Variants in CYP2S1 observed in about 807,000 individuals in gnomAD.
The protein encoded by CYP2S1 is cytochrome P450 family 2 subfamily S member 1.
A neutral mutation model predicts 43.5 loss-of-function variants in CYP2S1; 32 were observed. The ratio of observed to expected loss-of-function variants is 0.74; its 90% CI spans 0.56 to 0.99. The LOEUF (loss-of-function observed/expected upper bound fraction) is 0.99, where lower values mean the gene tolerates loss of function less well. Among genes scored for constraint, CYP2S1 ranks in the 50% least tolerant of loss-of-function variants. The pLI, the probability that CYP2S1 is intolerant of heterozygous loss-of-function variation, is 0.00. For missense variants in CYP2S1, 575 were observed against 673.9 expected (o/e 0.85, Z 1.62); for synonymous variants, 283 against 302.9 (o/e 0.93, Z 0.68).
chr19:41,206,827 C>T lies in CYP2S1; in HGVS notation c.*339C>T, dbSNP rs2033587990. On this transcript the variant is annotated 3_prime_UTR_variant, in exon 9 of 9. Transcript: ENST00000310054. ...AGCCCACACGTGGGAGTCTGGCTGT[C>T]ACCTTCACAAGCCACAGAAACGGCC... 1 of 511,380 alleles carries T rather than the reference C, an allele frequency of 2.0e-6. No homozygotes were observed. Among genetic ancestry groups the T allele is most frequent in the Non-Finnish European group, 3.8e-6 (1 of 263,212 alleles). 31.7% of individuals were successfully genotyped at this position (511,380 alleles called of 1,614,324 possible).
At chr19:41,205,418 TTCTCTCTC>T (rs11311956) in intron 7 of CYP2S1, among the ~76,000 whole-genome samples, 5 of 87,890 alleles carry the variant, frequency 5.7e-5, no homozygotes, top group South Asian at 3.0e-4. Flanking sequence ...CTTTCTTTCT[TTCTCTCTC>T]TCTCTCTTTC....
intron 6 of CYP2S1, among the ~76,000 whole-genome samples, chr19:41,202,659 G>A (rs1470179388): frequency 6.6e-6 from 1 of 151,774 alleles, no homozygotes; most frequent in African/African-American, 2.4e-5. Flanking sequence ...GTGTGGTGGT[G>A]CGTGCCTGTG....
chr19:41,206,357 TC>T lies in CYP2S1; in HGVS notation c.1387del (p.Leu463TrpfsTer10). 1.2e-6 allele frequency: 2 copies of T among 1,614,054 alleles called. No homozygotes were observed. Among genetic ancestry groups the T allele is most frequent in the Non-Finnish European group, 8.5e-7 (1 of 1,180,038 alleles). On this transcript the variant is annotated frameshift_variant, in exon 9 of 9. Transcript: ENST00000310054. LOFTEE classifies it low-confidence loss of function (END_TRUNC). ...LFFTTILQAF[S>X]LESPCPPDTL... Reference sequence around the variant, plus strand: ...CTTCACCACCATCCTACAAGCCTTCTCCCTGGAGAGCCCGTGCCCGCCGGAC... The same window carrying T: ...CTTCACCACCATCCTACAAGCCTTCTCCTGGAGAGCCCGTGCCCGCCGGAC...
Position 41,198,044 on chromosome 19 carries a change from A to C in CYP2S1, c.493+116A>C. 1 of 1,404,298 alleles carries C rather than the reference A, an allele frequency of 7.1e-7. No individual in the cohort carries two copies. Among genetic ancestry groups the C allele is most frequent in the Non-Finnish European group, 9.4e-7 (1 of 1,062,074 alleles). The allele number at this position is 1,404,298 out of a possible 1,614,324, so 87.0% of individuals were successfully genotyped here. On this transcript the variant is annotated intron_variant, in intron 3 of 8. Transcript: ENST00000310054. The surrounding 1 kb of genome is among the most constrained non-coding windows in gnomAD (Gnocchi z 4.9). The stretch of plus-strand genomic sequence containing the variant: ...GGAATGGGCAGGAGGGGAAGCCTTG[A>C]ACTCTAGGGCTGGCCTGGGGGTTCT...
chr19:41,205,402 C>T (rs75777260), intron 7 of CYP2S1, among the ~76,000 whole-genome samples: 113 of 100,036 alleles, frequency 1.1e-3, no homozygotes, highest in African/African-American at 3.3e-3. Flanking sequence ...CTTTCTTTCT[C>T]TCTTTCTTTC....
At chr19:41,205,505 C>G (rs1414864706) in intron 7 of CYP2S1, among the ~76,000 whole-genome samples, 2 of 150,006 alleles carry the variant, frequency 1.3e-5, no homozygotes, top group Admixed American at 1.3e-4. Flanking sequence ...CTCCCTTCCT[C>G]CCTTCCTGTC....
chr19:41,198,361 T>C lies in CYP2S1; in HGVS notation c.494-101T>C. The C allele has an allele frequency of 6.7e-7, 1 of 1,491,252 alleles. No homozygotes were observed. The highest frequency in any genetic ancestry group is 9.1e-7 in the Non-Finnish European group (1 of 1,097,098). The allele number at this position is 1,491,252 out of a possible 1,614,324, so 92.4% of individuals were successfully genotyped here. A position where few individuals can be genotyped will look rare whatever the true frequency, so the allele number is the denominator to read the frequency against. On this transcript the variant is annotated intron_variant, in intron 3 of 8. Coordinates refer to ENST00000310054, the MANE Select transcript of CYP2S1 (RefSeq NM_030622.8). This position sits in a 1 kb window ranked among gnomAD's most constrained non-coding sequence, Gnocchi z 4.9. The stretch of plus-strand genomic sequence containing the variant: ...TCTCTCCCTGCGCTGTCCATCCATC[T>C]TTCCCTGCCTCCCTGTCTCTCTCTG...
rs1041455106 is a variant in CYP2S1, at chr19:41,197,904, G to A, written c.469G>A (p.Val157Met). ...GATCCAGGCGGAGGCCCGGTGTCTG[G>A]TGGAGACATTCCAGGGGACAGAAGG... ...ELIQAEARCL[V>M]ETFQGTEGRP... The change falls in exon 3 of 9, where the codon GTG becomes ATG. Residue 157 changes from valine (V) to methionine (M), a missense_variant. Coordinates refer to ENST00000310054, the MANE Select transcript of CYP2S1 (RefSeq NM_030622.8). 3.1e-6 allele frequency: 5 copies of A among 1,613,610 alleles called. No homozygotes were observed. Among genetic ancestry groups the A allele is most frequent in the Non-Finnish European group, 3.4e-6 (4 of 1,179,832 alleles).
intron 2 of CYP2S1, among the ~76,000 whole-genome samples, chr19:41,196,137 C>A (rs1188143239): frequency 6.6e-6 from 1 of 151,940 alleles, no homozygotes; most frequent in Non-Finnish European, 1.5e-5. Flanking sequence ...GACATTTAAG[C>A]CGGGACATGA....
chr19:41,196,498 G>C (rs536484565), intron 2 of CYP2S1, among the ~76,000 whole-genome samples: 1 of 152,150 alleles, frequency 6.6e-6, no homozygotes, highest in African/African-American at 2.4e-5. Context: ...AGGATCCAGG[G>C]TGATGGGGAG....
chr19:41,194,739 C>G, intron 2 of CYP2S1, 30 bp downstream of exon 2: 1 of 1,587,192 alleles, frequency 6.3e-7, no homozygotes, highest in African/African-American at 1.4e-5. Context: ...GCCCTCCGCT[C>G]ACAGCCTGCC....
Position 41,206,512 on chromosome 19 carries a change from G to C in CYP2S1, c.*24G>C. The stretch of plus-strand genomic sequence containing the variant: ...GAAGGAAGGCAACTTGGAAGTGGTG[G>C]GTGCCCAGGACGGTGCCTCCAGCCT... On this transcript the variant is annotated 3_prime_UTR_variant, in exon 9 of 9. Coordinates refer to ENST00000310054, the MANE Select transcript of CYP2S1 (RefSeq NM_030622.8). 1 of 1,613,906 alleles carries C rather than the reference G, an allele frequency of 6.2e-7. No homozygotes were observed. The highest frequency in any genetic ancestry group is 1.3e-5 in the African/African-American group (1 of 75,016).
At chr19:41,200,289 A>T (rs980887004) in intron 5 of CYP2S1, among the ~76,000 whole-genome samples, 3 of 152,186 alleles carry the variant, frequency 2.0e-5, no homozygotes, top group African/African-American at 7.2e-5. Flanking sequence ...TTATGCAATC[A>T]GTCTCCAGAA....
At position 41,198,346 on chromosome 19, in the gene CYP2S1, C is replaced by T. The variant is rs1463960350; in HGVS notation, c.494-116C>T. 2.4e-5 allele frequency: 32 copies of T among 1,344,110 alleles called. 1 individual carries two copies. The highest frequency in any genetic ancestry group is 6.9e-5 in the East Asian group (3 of 43,614). 83.3% of individuals were successfully genotyped at this position (1,344,110 alleles called of 1,614,324 possible). On this transcript the variant is annotated intron_variant, in intron 3 of 8. Coordinates refer to ENST00000310054, the MANE Select transcript of CYP2S1 (RefSeq NM_030622.8). This position sits in a 1 kb window ranked among gnomAD's most constrained non-coding sequence, Gnocchi z 4.9. The stretch of plus-strand genomic sequence containing the variant: ...CTTTGCCTGTTTAGCTCTCTCCCTG[C>T]GCTGTCCATCCATCTTTCCCTGCCT...
At position 41,206,302 on chromosome 19, in the gene CYP2S1, G is replaced by A. The variant is rs1405936996; in HGVS notation, c.1329G>A (p.Glu443=). Residue 443 remains glutamate (E), a synonymous_variant, in exon 9 of 9, where the codon GAG becomes GAA. Coordinates refer to ENST00000310054, the MANE Select transcript of CYP2S1 (RefSeq NM_030622.8). ...FSLGKRVCLG[E]GLAKAELFLF... ...CAGGGAAGCGTGTCTGCCTTGGAGAGGGCCTGGCAAAAGCGGAGCTCTTCC... is the reference window on the plus strand; with the variant it reads ...CAGGGAAGCGTGTCTGCCTTGGAGAAGGCCTGGCAAAAGCGGAGCTCTTCC... The A allele has an allele frequency of 3.1e-6, 5 of 1,613,980 alleles. No individual in the cohort carries two copies. Among genetic ancestry groups the A allele is most frequent in the Non-Finnish European group, 3.4e-6 (4 of 1,180,034 alleles).
In CYP2S1 at chr19:41,198,850, C is replaced by A. The variant is rs199907167; in HGVS notation, c.796C>A (p.Arg266Ser). The part of the protein sequence containing the change: ...QGNLDASGPA[R>S]DLVDAFLLKM... The stretch of plus-strand genomic sequence containing the variant: ...GAACCTGGATGCTTCGGGCCCCGCA[C>A]GTGACCTTGTCGATGCCTTCCTGCT... The change falls in exon 5 of 9, where the codon CGT (arginine) becomes AGT (serine). Residue 266 changes from arginine (R) to serine (S), a missense_variant. Arg to Ser is a moderately radical substitution (Grantham distance 110). Transcript: ENST00000310054. This position sits in a 1 kb window ranked among gnomAD's most constrained non-coding sequence, Gnocchi z 4.9. The A allele has an allele frequency of 6.2e-7, 1 of 1,614,026 alleles. No individual in the cohort carries two copies. The highest frequency in any genetic ancestry group is 8.5e-7 in the Non-Finnish European group (1 of 1,179,914).
intron 7 of CYP2S1, among the ~76,000 whole-genome samples, chr19:41,205,208 C>T (rs1404226000): frequency 6.6e-6 from 1 of 152,084 alleles, no homozygotes; most frequent in Non-Finnish European, 1.5e-5. Context: ...GCCCATCTTA[C>T]AGATAAGGAA....
chr19:41,205,362 CTTTCTTTCTT>C (rs1568402500), intron 7 of CYP2S1, among the ~76,000 whole-genome samples: 16 of 119,270 alleles, frequency 1.3e-4, no homozygotes, highest in South Asian at 5.0e-4. Context: ...TTCTTTCTTT[CTTTCTTTCTT>C]TCTTTCTTTC....
chr19:41,194,314 C>T (rs143233528), intron 1 of CYP2S1, among the ~76,000 whole-genome samples: 5 of 151,956 alleles, frequency 3.3e-5, no homozygotes, highest in African/African-American at 7.2e-5. Context: ...AGCAAGGGAA[C>T]GACAGGAAGT....
Sources: gnomAD v4.1 joint callset for allele counts (sites outside exome capture counted in the v4.1 genomes callset) on GRCh38, gnomAD v4.1.1 for gene constraint, Gnocchi (gnomAD v3.1) non-coding constraint, MANE v1.5 for transcripts, NCBI Gene and HGNC (gene_info 2026-07-23, HGNC 2026-07-21) for gene names.